Variants in DAB1 observed in about 807,000 individuals in gnomAD.
The protein encoded by DAB1 is disabled homolog 1.
Under a neutral mutation model 64.6 loss-of-function variants are expected in DAB1, and 15 were observed. That is an observed-to-expected ratio of 0.23 (90% CI 0.16 to 0.36). DAB1 has a LOEUF of 0.36. Ranked by LOEUF, DAB1 falls within the 10% of genes least tolerant of loss-of-function variation. DAB1 has a pLI of 1.00. For synonymous variants in DAB1, 235 were observed against 251.9 expected (o/e 0.93, Z 0.64); for missense variants, 596 against 706.7 (o/e 0.84, Z 1.78).
intron 6 of DAB1, among the ~76,000 whole-genome samples, chr1:57,770,951 T>C (rs1649532855): frequency 6.6e-6 from 1 of 152,138 alleles, no homozygotes; most frequent in Non-Finnish European, 1.5e-5. Context: ...CTGAGCAGAT[T>C]ACTTCATGAT....
chr1:57,263,557 C>A (rs939335700), intron 2 of DAB1, among the ~76,000 whole-genome samples: 1 of 152,060 alleles, frequency 6.6e-6, no homozygotes, highest in South Asian at 2.1e-4. Context: ...TGTGGGAACA[C>A]GGTATTAGGA....
chr1:58,059,335 C>T (rs542511158), intron 5 of DAB1, among the ~76,000 whole-genome samples: 9 of 152,318 alleles, frequency 5.9e-5, no homozygotes, highest in South Asian at 2.1e-4. Context: ...TTTCTTCATC[C>T]ATAAAATGGC....
At chr1:57,013,191 A>T (rs1646317646) in intron 12 of DAB1, among the ~76,000 whole-genome samples, 1 of 152,224 alleles carries the variant, frequency 6.6e-6, no homozygotes, top group Admixed American at 6.5e-5. Flanking sequence ...CTAAAACATA[A>T]CAGTAGCTAA....
chr1:57,294,545 T>C (rs1356371474), intron 1 of DAB1, among the ~76,000 whole-genome samples: 1 of 152,060 alleles, frequency 6.6e-6, no homozygotes, highest in Non-Finnish European at 1.5e-5. Flanking sequence ...ATAACACACA[T>C]TTGTGTTCTT....
At chr1:57,584,440 C>G (rs750922374) in intron 7 of DAB1, among the ~76,000 whole-genome samples, 4 of 152,172 alleles carry the variant, frequency 2.6e-5, no homozygotes, top group Non-Finnish European at 5.9e-5. Flanking sequence ...TGCAGCAGAT[C>G]TCTCTGGGTC....
chr1:58,309,346 T>C (rs1011347606), intron 4 of DAB1, among the ~76,000 whole-genome samples: 1 of 152,164 alleles, frequency 6.6e-6, no homozygotes, highest in Non-Finnish European at 1.5e-5. Flanking sequence ...CATGGGCCGC[T>C]TGAATTTTAA....
intron 7 of DAB1, among the ~76,000 whole-genome samples, chr1:57,478,655 T>C (rs2805869): frequency 0.23 from 32,439 of 143,450 alleles, 4,456 homozygotes; most frequent in African/African-American, 0.41. Context: ...TGCAATGGCA[T>C]GATCTCAGCT....
At chr1:57,749,848 G>T (rs527513850) in intron 6 of DAB1, among the ~76,000 whole-genome samples, 2 of 152,288 alleles carry the variant, frequency 1.3e-5, no homozygotes, top group Non-Finnish European at 2.9e-5. Context: ...TCCTGCCTCT[G>T]CATTCTGCTC....
intron 7 of DAB1, among the ~76,000 whole-genome samples, chr1:57,599,328 A>G (rs1645549109): frequency 6.6e-6 from 1 of 151,508 alleles, no homozygotes; most frequent in African/African-American, 2.4e-5. Flanking sequence ...CTCTCTCACA[A>G]CCCTCTGTTA....
chr1:57,924,437 G>C (rs1056562219), intron 5 of DAB1, among the ~76,000 whole-genome samples: 3 of 151,984 alleles, frequency 2.0e-5, no homozygotes, highest in African/African-American at 7.2e-5. Flanking sequence ...TTCTCACTGG[G>C]GGACCAGGGA....
chr1:57,635,527 C>G (rs554829735), intron 7 of DAB1, among the ~76,000 whole-genome samples: 1 of 152,224 alleles, frequency 6.6e-6, no homozygotes, highest in Admixed American at 6.5e-5. Flanking sequence ...TTATGAGACT[C>G]TACTGCCTAA....
At chr1:58,101,253 C>T (rs972199399) in intron 5 of DAB1, among the ~76,000 whole-genome samples, 1 of 152,132 alleles carries the variant, frequency 6.6e-6, no homozygotes, top group African/African-American at 2.4e-5. Context: ...GAAGGCGGAG[C>T]TGGCAGTGAG....
At chr1:58,239,164 T>G (rs892113142) in intron 4 of DAB1, among the ~76,000 whole-genome samples, 1 of 152,164 alleles carries the variant, frequency 6.6e-6, no homozygotes, top group Non-Finnish European at 1.5e-5. Context: ...AGAACCTAAT[T>G]GACATGATAC....
intron 4 of DAB1, among the ~76,000 whole-genome samples, chr1:58,250,416 C>T (rs1362410362): frequency 2.6e-5 from 4 of 152,250 alleles, no homozygotes; most frequent in Non-Finnish European, 5.9e-5. Flanking sequence ...TCACTCCTAG[C>T]GGCTCCGCTG....
At chr1:57,347,785 ATT>A (rs368161363) in intron 1 of DAB1, among the ~76,000 whole-genome samples, 2 of 150,398 alleles carry the variant, frequency 1.3e-5, no homozygotes, top group East Asian at 3.9e-4. Context: ...GTATTTCAAG[ATT>A]TTTTTTTTAA....
chr1:58,071,363 GGTGTGTGTGTGTGTGT>G (rs548977353), intron 5 of DAB1, among the ~76,000 whole-genome samples: 110 of 135,788 alleles, frequency 8.1e-4, no homozygotes, highest in African/African-American at 2.8e-3. Flanking sequence ...AAAGGAGAAT[GGTGTGTGTGTGTGTGT>G]GTGTGTGTGT....
At chr1:58,438,647 A>T (rs1644971881) in intron 3 of DAB1, among the ~76,000 whole-genome samples, 1 of 152,172 alleles carries the variant, frequency 6.6e-6, no homozygotes, top group African/African-American at 2.4e-5. Context: ...CCCTGGAGAC[A>T]CCACACGTGT....
At chr1:57,155,642 T>C (rs1660142003) in intron 2 of DAB1, among the ~76,000 whole-genome samples, 1 of 152,028 alleles carries the variant, frequency 6.6e-6, no homozygotes, top group Non-Finnish European at 1.5e-5. Context: ...AGTATGGACA[T>C]TTTAATAATA....
At chr1:57,631,346 C>A (rs1269378842) in intron 7 of DAB1, among the ~76,000 whole-genome samples, 1 of 152,188 alleles carries the variant, frequency 6.6e-6, no homozygotes, top group African/African-American at 2.4e-5. Flanking sequence ...GCTTTTTCAG[C>A]AGCAAGTAAA....
Sources: gnomAD v4.1 joint callset for allele counts (sites outside exome capture counted in the v4.1 genomes callset) on GRCh38, gnomAD v4.1.1 for gene constraint, MANE v1.5 for transcripts, NCBI Gene and HGNC (gene_info 2026-07-23, HGNC 2026-07-21) for gene names.